CNNM2: variants seen among roughly 807,000 people sequenced by gnomAD.
CNNM2 encodes the protein metal transporter CNNM2.
In CNNM2, 12 loss-of-function variants were observed where a neutral mutation model predicts 66.9. The ratio of observed to expected loss-of-function variants is 0.18; its 90% CI spans 0.11 to 0.29. The LOEUF (loss-of-function observed/expected upper bound fraction) is 0.29, where lower values mean the gene tolerates loss of function less well. CNNM2 is among the 10% of genes least tolerant of loss of function. The pLI, the probability that CNNM2 is intolerant of heterozygous loss-of-function variation, is 1.00. For synonymous variants in CNNM2, 557 were observed against 501.8 expected (o/e 1.11, Z -1.47); for missense variants, 705 against 1,167.7 (o/e 0.60, Z 5.77).
At chr10:103,039,306 T>G (rs1322084813) in intron 1 of CNNM2, among the ~76,000 whole-genome samples, 1 of 152,144 alleles carries the variant, frequency 6.6e-6, no homozygotes, top group East Asian at 1.9e-4. Flanking sequence ...CTGGCTAATT[T>G]TTGTATTTTT....
chr10:102,987,922 A>G (rs1018009935), intron 1 of CNNM2, among the ~76,000 whole-genome samples: 3 of 152,294 alleles, frequency 2.0e-5, no homozygotes, highest in African/African-American at 7.2e-5. Context: ...TGAGGCCTCA[A>G]TGTGAAGACC....
At chr10:103,005,048 G>C (rs2064199029) in intron 1 of CNNM2, among the ~76,000 whole-genome samples, 1 of 151,918 alleles carries the variant, frequency 6.6e-6, no homozygotes, top group Non-Finnish European at 1.5e-5. Flanking sequence ...GAGTAGCTGG[G>C]ATTATGGGCA....
intron 1 of CNNM2, among the ~76,000 whole-genome samples, chr10:102,934,044 A>G (rs1452959301): frequency 2.1e-5 from 3 of 142,022 alleles, no homozygotes; most frequent in South Asian, 2.2e-4. Context: ...GAGTCTGGCT[A>G]TGTTGCCCAG....
At position 102,918,620 on chromosome 10, in the gene CNNM2, G is replaced by C. The variant is rs1487914550; in HGVS notation, c.140G>C (p.Arg47Pro). ...GGGATCCTGCAGGCGGCTGCGGGGC[G>C]GCTGCTGCCGCTGCTCCTGCTGAGC... ...GRGILQAAAG[R>P]LLPLLLLSCC... Residue 47 changes from arginine to proline, a missense_variant, in exon 1 of 8, where the codon CGG becomes CCG. Physicochemically the swap from Arg to Pro is moderately radical, Grantham distance 103. This residue lies in a region of CNNM2 where 98 missense variants were observed against 73.6 expected (regional missense o/e 1.33). Coordinates refer to ENST00000369878, the MANE Select transcript of CNNM2 (RefSeq NM_017649.5). The surrounding 1 kb of genome is among the most constrained non-coding windows in gnomAD (Gnocchi z 4.1). 1 of 1,544,658 alleles carries C rather than the reference G, an allele frequency of 6.5e-7. No homozygotes were observed. The highest frequency in any genetic ancestry group is 1.4e-5 in the African/African-American group (1 of 71,542).
chr10:102,997,334 G>A (rs1405992192), intron 1 of CNNM2, among the ~76,000 whole-genome samples: 2 of 152,290 alleles, frequency 1.3e-5, no homozygotes, highest in South Asian at 2.1e-4. Context: ...TTAGTATTTT[G>A]AAAGATTGGA....
rs2065718416 is a variant in CNNM2, at chr10:103,078,032, C to T, written c.*852C>T. On this transcript the variant is annotated 3_prime_UTR_variant, in exon 8 of 8. Coordinates refer to ENST00000369878, the MANE Select transcript of CNNM2 (RefSeq NM_017649.5). ...TGCCAGCCAGCCCTCCTCCCCGACC[C>T]AGCGCCTAAGCTCACAGAGTGTCGT... 2 of 152,682 alleles carry T rather than the reference C, an allele frequency of 1.3e-5. No homozygotes were observed. Among genetic ancestry groups the T allele is most frequent in the South Asian group, 4.1e-4 (2 of 4,828 alleles). The allele number at this position is 152,682 out of a possible 1,614,324, so 9.5% of individuals were successfully genotyped here. A position where few individuals can be genotyped will look rare whatever the true frequency, so the allele number is the denominator to read the frequency against.
intron 1 of CNNM2, among the ~76,000 whole-genome samples, chr10:102,982,915 ACTAAT>A (rs1336090707): frequency 6.6e-5 from 10 of 152,352 alleles, no homozygotes; most frequent in Non-Finnish European, 1.0e-4. Flanking sequence ...CATTAATTAA[ACTAAT>A]CTAAGTTACA....
chr10:103,076,893 G>C, intron 7 of CNNM2, 78 bp from the exon 8 acceptor site: 1 of 1,307,212 alleles, frequency 7.6e-7, no homozygotes, highest in Non-Finnish European at 1.1e-6. Context: ...GGCCTGTCGG[G>C]ATTGAACGTG....
chr10:103,025,365 A>C lies in CNNM2; in HGVS notation c.1622-24342A>C, dbSNP rs940319530. ...CGGCCTCCCAAATTGCTGGGATTAC[A>C]GGCGTGAGCCACCACGCCCAGCCAA... is the stretch of plus-strand genomic sequence containing the variant. On this transcript the variant is annotated intron_variant, in intron 1 of 7. Coordinates refer to ENST00000369878, the MANE Select transcript of CNNM2 (RefSeq NM_017649.5). 1.3e-5 allele frequency among the ~76,000 whole-genome samples: 2 copies of C among 152,264 alleles called. No homozygotes were observed. Among genetic ancestry groups the C allele is most frequent in the African/African-American group, 2.4e-5 (1 of 41,482 alleles).
At chr10:102,971,826 TTC>T (rs2063551544) in intron 1 of CNNM2, among the ~76,000 whole-genome samples, 1 of 152,214 alleles carries the variant, frequency 6.6e-6, no homozygotes, top group African/African-American at 2.4e-5. Context: ...TAACATATTT[TTC>T]TTTTTTTGGC....
chr10:102,993,494 A>G (rs2063932979), intron 1 of CNNM2, among the ~76,000 whole-genome samples: 1 of 152,212 alleles, frequency 6.6e-6, no homozygotes, highest in Admixed American at 6.5e-5. Context: ...ACTTTTTCCA[A>G]AGAGAATTCT....
intron 1 of CNNM2, among the ~76,000 whole-genome samples, chr10:102,951,533 C>T (rs1049201146): frequency 1.2e-4 from 18 of 151,882 alleles, no homozygotes; most frequent in Non-Finnish European, 2.5e-4. Context: ...ATTCTGTGGG[C>T]TTTGAGCACG....
At chr10:102,939,869 G>C (rs907242159) in intron 1 of CNNM2, among the ~76,000 whole-genome samples, 12 of 152,098 alleles carry the variant, frequency 7.9e-5, no homozygotes, top group Non-Finnish European at 4.4e-5. Context: ...TCGGGAGGCT[G>C]AGGCAGGAGA....
intron 1 of CNNM2, among the ~76,000 whole-genome samples, chr10:103,023,876 A>G (rs931847549): frequency 3.9e-5 from 6 of 152,252 alleles, no homozygotes; most frequent in African/African-American, 1.4e-4. Context: ...GACTAGTATA[A>G]TGAATATACA....
intron 1 of CNNM2, among the ~76,000 whole-genome samples, chr10:102,961,434 A>C (rs1017472162): frequency 3.3e-5 from 5 of 152,264 alleles, no homozygotes; most frequent in African/African-American, 1.2e-4. Flanking sequence ...AATTTACTCT[A>C]TTTTTGGCAA....
rs145535890 is a variant in CNNM2 at position 102,937,233 on chromosome 10, ATGATAGCCC to A, written c.1621+17137_1621+17145del. Among the ~76,000 whole-genome samples, 14,321 of 152,200 alleles carry A rather than the reference ATGATAGCCC, an allele frequency of 0.094. 857 individuals are homozygous for A. The highest frequency in any genetic ancestry group is 0.28 in the East Asian group (1,425 of 5,172). ...TGGAATGAAACTTTTTTATACTTAC[ATGATAGCCC>A]TGATTAAATAAAAGTTTGGTGAAAG... On this transcript the variant is annotated intron_variant, in intron 1 of 7. Transcript: ENST00000369878.
chr10:103,032,819 T>C (rs546639821), intron 1 of CNNM2, among the ~76,000 whole-genome samples: 2 of 152,096 alleles, frequency 1.3e-5, no homozygotes, highest in South Asian at 2.1e-4. Flanking sequence ...TTTTTTCTTA[T>C]AGAAATATAA....
rs952550993 is a variant in CNNM2 at position 103,084,621 on chromosome 10, T to C, written c.*7441T>C. ...TGCTCCAAGGAAAATGGAGGCAATT[T>C]TTCCTGCTGTCAAGATGAGATTTGC... On this transcript the variant is annotated 3_prime_UTR_variant, in exon 8 of 8. Transcript: ENST00000369878. 1 of 152,176 alleles carries C rather than the reference T, an allele frequency of 6.6e-6. No individual in the cohort carries two copies. The highest frequency in any genetic ancestry group is 1.5e-5 in the Non-Finnish European group (1 of 68,046). The allele number at this position is 152,176 out of a possible 1,614,324, so 9.4% of individuals were successfully genotyped here.
At position 103,087,171 on chromosome 10, in the gene CNNM2, T is replaced by A. The variant is rs1214402204; in HGVS notation, c.*9991T>A. 9.3e-6 allele frequency: 1 copy of A among 107,606 alleles called. No individual in the cohort carries two copies. 6.7% of individuals were successfully genotyped at this position (107,606 alleles called of 1,614,324 possible). A position where few individuals can be genotyped will look rare whatever the true frequency, so the allele number is the denominator to read the frequency against. On this transcript the variant is annotated 3_prime_UTR_variant, in exon 8 of 8. Coordinates refer to ENST00000369878, the MANE Select transcript of CNNM2 (RefSeq NM_017649.5). The stretch of plus-strand genomic sequence containing the variant: ...TTTTTTTTTTTTTTTTTTTTTTTTT[T>A]TAAGGAAAAAAGTATACCTTTTAAG...
Sources: allele counts gnomAD v4.1 joint callset (sites outside exome capture counted in the v4.1 genomes callset), GRCh38; gene constraint gnomAD v4.1.1; regional missense constraint gnomAD v4.1.1; non-coding constraint Gnocchi (gnomAD v3.1); transcripts MANE v1.5; gene names NCBI Gene and HGNC (gene_info 2026-07-23, HGNC 2026-07-21).